Variants in ZNF257 observed in about 807,000 individuals in gnomAD.
ZNF257 encodes the protein zinc finger protein 257, also known as bone marrow zinc finger 4.
Under a neutral mutation model 11.9 loss-of-function variants are expected in ZNF257, and 12 were observed. That is an observed-to-expected ratio of 1.01 (90% CI 0.65 to 1.63). The LOEUF (loss-of-function observed/expected upper bound fraction) is 1.63. Ranked by LOEUF, ZNF257 falls within the 40% of genes most tolerant of loss-of-function variation. ZNF257 has a pLI of 0.00. For missense variants in ZNF257, 580 were observed against 665.5 expected (o/e 0.87, Z 1.41); for synonymous variants, 183 against 222.7 (o/e 0.82, Z 1.59).
At chr19:22,052,934 A>C (rs971694640) in intron 1 of ZNF257, among the ~76,000 whole-genome samples, 2 of 152,112 alleles carry the variant, frequency 1.3e-5, no homozygotes, top group Non-Finnish European at 2.9e-5. Flanking sequence ...GGACCACAGG[A>C]GAGTCGTCAG....
At chr19:22,072,692 C>A in intron 1 of ZNF257, 117 bp from the exon 2 acceptor site, 1 of 1,274,370 alleles carries the variant, frequency 7.8e-7, no homozygotes, top group South Asian at 1.5e-5. Flanking sequence ...ATTTTGGTCA[C>A]TCCAATAAGG....
chr19:22,090,312 A>G lies in ZNF257; in HGVS notation c.*870A>G, dbSNP rs995284835. The stretch of plus-strand genomic sequence containing the variant: ...TGTAGTGCTTTTACTTGTATCACAG[A>G]TTTTATTGTACACATTTTGTACTAG... On this transcript the variant is annotated 3_prime_UTR_variant, in exon 4 of 4. Coordinates refer to ENST00000594947, the MANE Select transcript of ZNF257 (RefSeq NM_033468.4). The G allele has an allele frequency of 1.3e-5, 2 of 152,146 alleles. No individual in the cohort carries two copies. The highest frequency in any genetic ancestry group is 4.8e-5 in the African/African-American group (2 of 41,420). 9.4% of individuals were successfully genotyped at this position (152,146 alleles called of 1,614,324 possible).
intron 1 of ZNF257, among the ~76,000 whole-genome samples, chr19:22,068,855 A>G (rs1361281336): frequency 6.6e-6 from 1 of 152,192 alleles, no homozygotes; most frequent in African/African-American, 2.4e-5. Flanking sequence ...GAATCAGCCT[A>G]AATCTCTTCT....
chr19:22,084,152 A>G (rs1475347541), intron 3 of ZNF257, among the ~76,000 whole-genome samples: 1 of 151,906 alleles, frequency 6.6e-6, no homozygotes. Flanking sequence ...AAAAAAAAAA[A>G]AAGAAAACTG....
rs771873262 is a variant in ZNF257 at position 22,090,369 on chromosome 19, G to T, written c.*927G>T. On this transcript the variant is annotated 3_prime_UTR_variant, in exon 4 of 4. Coordinates refer to ENST00000594947, the MANE Select transcript of ZNF257 (RefSeq NM_033468.4). The stretch of plus-strand genomic sequence containing the variant: ...ACCCTGAAGCAGTTGCTAAAATTTT[G>T]TTCAGCATTAGGAAATTTATGTTGG... The T allele has an allele frequency of 1.3e-5, 2 of 152,040 alleles. No individual in the cohort carries two copies. The highest frequency in any genetic ancestry group is 2.9e-5 in the Non-Finnish European group (2 of 67,976). 9.4% of individuals were successfully genotyped at this position (152,040 alleles called of 1,614,324 possible).
At chr19:22,086,564 G>C (rs56183023) in intron 3 of ZNF257, among the ~76,000 whole-genome samples, 24,142 of 151,864 alleles carry the variant, frequency 0.16, 2,087 homozygotes, top group Admixed American at 0.23. Flanking sequence ...ATTTTCAGTG[G>C]AAGAAACTTT....
intron 1 of ZNF257, among the ~76,000 whole-genome samples, chr19:22,053,063 G>C (rs555192087): frequency 6.6e-6 from 1 of 152,202 alleles, no homozygotes; most frequent in Admixed American, 6.5e-5. Flanking sequence ...AAATATTAAA[G>C]AATTTAATTA....
At chr19:22,076,188 C>G (rs922162590) in intron 3 of ZNF257, among the ~76,000 whole-genome samples, 28 of 151,364 alleles carry the variant, frequency 1.8e-4, no homozygotes, top group African/African-American at 6.3e-4. Flanking sequence ...TTTCTCTAGC[C>G]TATATCTAAA....
intron 2 of ZNF257, 78 bp downstream of exon 2, chr19:22,073,013 G>GT (rs776989620): frequency 3.3e-4 from 449 of 1,372,582 alleles, no homozygotes; most frequent in Admixed American, 5.8e-4. Context: ...TTTGTAGAAT[G>GT]TTTTTTGGTA....
At chr19:22,078,143 C>G (rs931508115) in intron 3 of ZNF257, among the ~76,000 whole-genome samples, 3 of 148,672 alleles carry the variant, frequency 2.0e-5, no homozygotes, top group African/African-American at 7.4e-5. Context: ...GAGGCTGAAG[C>G]AGGAGAATTG....
intron 1 of ZNF257, among the ~76,000 whole-genome samples, chr19:22,060,108 G>T (rs1468525347): frequency 2.0e-5 from 3 of 152,186 alleles, no homozygotes; most frequent in Admixed American, 2.0e-4. Context: ...GAATAGTGCT[G>T]CAATGAACAT....
At chr19:22,061,621 CTT>C (rs530083108) in intron 1 of ZNF257, among the ~76,000 whole-genome samples, 1 of 146,200 alleles carries the variant, frequency 6.8e-6, no homozygotes, top group Non-Finnish European at 1.5e-5. Flanking sequence ...ATTTGGATGC[CTT>C]TTTTTTTTTT....
chr19:22,053,283 G>C (rs1379537252), intron 1 of ZNF257, among the ~76,000 whole-genome samples: 1 of 141,394 alleles, frequency 7.1e-6, no homozygotes, highest in East Asian at 2.2e-4. Flanking sequence ...CAGGAGAATC[G>C]CTTGAACCAG....
chr19:22,080,316 G>A (rs2065481320), intron 3 of ZNF257, among the ~76,000 whole-genome samples: 1 of 152,136 alleles, frequency 6.6e-6, no homozygotes, highest in Admixed American at 6.6e-5. Context: ...CCAGTGGGAG[G>A]TGTTTGGTTT....
chr19:22,058,319 T>C (rs887711473), intron 1 of ZNF257, among the ~76,000 whole-genome samples: 8 of 152,170 alleles, frequency 5.3e-5, no homozygotes, highest in Non-Finnish European at 2.9e-5. Flanking sequence ...TTTTCTGGGT[T>C]GTATCTTTTA....
chr19:22,060,172 A>G (rs1302705974), intron 1 of ZNF257, among the ~76,000 whole-genome samples: 1 of 152,236 alleles, frequency 6.6e-6, no homozygotes, highest in African/African-American at 2.4e-5. Context: ...TATGTACCCA[A>G]TTAAGAGGTT....
chr19:22,087,861 G>A, intron 3 of ZNF257, 116 bp from the exon 4 acceptor site: 2 of 924,502 alleles, frequency 2.2e-6, no homozygotes, highest in Non-Finnish European at 2.9e-6. Flanking sequence ...AGAGCCTGTG[G>A]TATTTTGCTA....
At chr19:22,078,098 C>G (rs549667280) in intron 3 of ZNF257, among the ~76,000 whole-genome samples, 68 of 151,166 alleles carry the variant, frequency 4.5e-4, no homozygotes, top group African/African-American at 1.5e-3. Context: ...ATTAGCTGGG[C>G]GTGGTGGCGG....
chr19:22,071,700 T>C (rs777155191), intron 1 of ZNF257, among the ~76,000 whole-genome samples: 1 of 152,156 alleles, frequency 6.6e-6, no homozygotes, highest in Non-Finnish European at 1.5e-5. Context: ...TGGCTCCTTC[T>C]ATGCCACGCA....
Sources: gnomAD v4.1 joint callset for allele counts (sites outside exome capture counted in the v4.1 genomes callset) on GRCh38, gnomAD v4.1.1 for gene constraint, MANE v1.5 for transcripts, NCBI Gene and HGNC (gene_info 2026-07-23, HGNC 2026-07-21) for gene names.